Variants in NRXN3 observed in about 807,000 individuals in gnomAD.
NRXN3 encodes neurexin III.
Under a neutral mutation model 137.6 loss-of-function variants are expected in NRXN3, and 32 were observed. The observed-to-expected ratio is 0.23, with a 90% CI of 0.18 to 0.31. The LOEUF (loss-of-function observed/expected upper bound fraction) is 0.31. Ranked by LOEUF, NRXN3 falls within the 10% of genes least tolerant of loss-of-function variation. NRXN3 has a pLI of 1.00. For missense variants in NRXN3, 1,574 were observed against 2,062.5 expected (o/e 0.76, Z 4.59); for synonymous variants, 798 against 784.5 (o/e 1.02, Z -0.29).
intron 15 of NRXN3, among the ~76,000 whole-genome samples, chr14:79,131,593 G>A (rs2057489076): frequency 6.6e-6 from 1 of 152,250 alleles, no homozygotes; most frequent in Non-Finnish European, 1.5e-5. Flanking sequence ...CTGTCAGACA[G>A]GGTCATTTAA....
chr14:79,234,942 G>A (rs2073113246), intron 15 of NRXN3, among the ~76,000 whole-genome samples: 1 of 152,106 alleles, frequency 6.6e-6, no homozygotes. Flanking sequence ...ACATTAGTAA[G>A]TTACTTTGTA....
At chr14:79,250,612 C>A in intron 15 of NRXN3, among the ~76,000 whole-genome samples, 1 of 152,192 alleles carries the variant, frequency 6.6e-6, no homozygotes, top group East Asian at 1.9e-4. Flanking sequence ...ATCCCAGATT[C>A]ATCTCTCAGA....
chr14:78,891,288 T>C (rs59552005), intron 10 of NRXN3, among the ~76,000 whole-genome samples: 2,529 of 152,108 alleles, frequency 0.017, 72 homozygotes, highest in African/African-American at 0.058. Context: ...CATATTTTAC[T>C]AATGAAGTAA....
chr14:79,255,923 C>T (rs2076508286), intron 15 of NRXN3, among the ~76,000 whole-genome samples: 1 of 152,104 alleles, frequency 6.6e-6, no homozygotes, highest in South Asian at 2.1e-4. Context: ...TGGGAATATA[C>T]AATAATGGAA....
intron 10 of NRXN3, among the ~76,000 whole-genome samples, chr14:78,895,624 T>A (rs971750200): frequency 1.3e-5 from 2 of 151,932 alleles, no homozygotes; most frequent in African/African-American, 4.8e-5. Flanking sequence ...CACAACTAGG[T>A]TAACTGTTTG....
intron 15 of NRXN3, among the ~76,000 whole-genome samples, chr14:79,276,724 A>AAG (rs1555350083): frequency 2.6e-5 from 4 of 150,982 alleles, no homozygotes; most frequent in Non-Finnish European, 3.0e-5. Context: ...AAAAAAAAAA[A>AAG]AAAGAAAAAC....
At chr14:79,042,704 GA>G (rs2099626986) in intron 15 of NRXN3, among the ~76,000 whole-genome samples, 1 of 152,156 alleles carries the variant, frequency 6.6e-6, no homozygotes, top group Non-Finnish European at 1.5e-5. Context: ...ATGCTGATTT[GA>G]AAATTAGAAT....
At chr14:78,808,288 A>G (rs933558278) in intron 9 of NRXN3, among the ~76,000 whole-genome samples, 2 of 152,214 alleles carry the variant, frequency 1.3e-5, no homozygotes, top group African/African-American at 4.8e-5. Flanking sequence ...TGATCCAGAA[A>G]GATGAGCCCA....
intron 4 of NRXN3, among the ~76,000 whole-genome samples, chr14:78,592,413 C>T (rs1362049921): frequency 6.6e-6 from 1 of 152,176 alleles, no homozygotes; most frequent in African/African-American, 2.4e-5. Context: ...GTGGCTCTTG[C>T]TCCCCAAGGG....
At chr14:78,381,986 T>C (rs36096270) in intron 4 of NRXN3, among the ~76,000 whole-genome samples, 5,671 of 152,290 alleles carry the variant, frequency 0.037, 149 homozygotes, top group Admixed American at 0.066. Flanking sequence ...GTTCTTGTGA[T>C]GGAAATTTCC....
chr14:79,034,354 A>G (rs1363944035), intron 15 of NRXN3, among the ~76,000 whole-genome samples: 1 of 146,756 alleles, frequency 6.8e-6, no homozygotes, highest in Non-Finnish European at 1.5e-5. Context: ...TTTCTTACAC[A>G]CACACACACA....
chr14:79,275,649 G>C (rs2153432918), intron 15 of NRXN3, among the ~76,000 whole-genome samples: 1 of 151,884 alleles, frequency 6.6e-6, no homozygotes, highest in Admixed American at 6.5e-5. Flanking sequence ...CATAGCCGAG[G>C]CACAGACCAA....
At chr14:79,812,443 A>G (rs2099237513) in intron 20 of NRXN3, among the ~76,000 whole-genome samples, 1 of 152,144 alleles carries the variant, frequency 6.6e-6, no homozygotes, top group South Asian at 2.1e-4. Context: ...TGCCCACGAT[A>G]TTATCAGCAC....
intron 4 of NRXN3, among the ~76,000 whole-genome samples, chr14:78,597,308 T>C (rs2097165488): frequency 6.6e-6 from 1 of 152,244 alleles, no homozygotes; most frequent in Admixed American, 6.5e-5. Context: ...CTGAAATTCC[T>C]TTAAGAGAAA....
rs551439522 is a variant in NRXN3, at chr14:78,299,705, C to T, written c.757+1845C>T. Among the ~76,000 whole-genome samples the T allele has an allele frequency of 7.2e-5, 11 of 152,254 alleles. 1 individual carries two copies. In the South Asian group the frequency reaches 2.3e-3, roughly 32 times the overall value. On this transcript the variant is annotated intron_variant, in intron 4 of 20. Transcript: ENST00000335750. ...GATATCTTGGAAGGCTAAATCCCAA[C>T]ACTGGTATGAAAAACATTTGGAGAG...
At chr14:79,654,801 C>T (rs1293797746) in intron 16 of NRXN3, among the ~76,000 whole-genome samples, 2 of 152,088 alleles carry the variant, frequency 1.3e-5, no homozygotes, top group African/African-American at 4.8e-5. Context: ...ACTGAAAATG[C>T]CTTACTTATG....
chr14:78,202,999 C>T (rs1418867956), intron 1 of NRXN3, among the ~76,000 whole-genome samples: 1 of 152,168 alleles, frequency 6.6e-6, no homozygotes, highest in Admixed American at 6.5e-5. Context: ...GCTACCATCC[C>T]CCTCTACTTC....
At chr14:79,735,808 T>C (rs1378336180) in intron 19 of NRXN3, among the ~76,000 whole-genome samples, 1 of 152,204 alleles carries the variant, frequency 6.6e-6, no homozygotes, top group Non-Finnish European at 1.5e-5. Context: ...GAGTTGTTGC[T>C]AGTTTTCCTT....
At chr14:79,143,149 GCCTT>G (rs1475175688) in intron 15 of NRXN3, among the ~76,000 whole-genome samples, 3 of 152,152 alleles carry the variant, frequency 2.0e-5, no homozygotes, top group Non-Finnish European at 4.4e-5. Flanking sequence ...AAACAGTCAA[GCCTT>G]TCTCATTCAT....
Sources: allele counts gnomAD v4.1 joint callset (sites outside exome capture counted in the v4.1 genomes callset), GRCh38; gene constraint gnomAD v4.1.1; transcripts MANE v1.5; gene names NCBI Gene and HGNC (gene_info 2026-07-23, HGNC 2026-07-21).